The following PRPSAP1 variants were observed in gnomAD, a reference collection of about 807,000 sequenced individuals.
PRPSAP1 encodes phosphoribosyl pyrophosphate synthetase associated protein 1.
A neutral mutation model predicts 39.4 loss-of-function variants in PRPSAP1; 31 were observed. The observed-to-expected ratio is 0.79, with a 90% CI of 0.59 to 1.06. The LOEUF (loss-of-function observed/expected upper bound fraction) is 1.06. Among genes scored for constraint, PRPSAP1 ranks in the 50% least tolerant of loss-of-function variants. PRPSAP1 has a pLI of 0.00. For synonymous variants in PRPSAP1, 212 were observed against 192.6 expected (o/e 1.10, Z -0.83); for missense variants, 430 against 511.6 (o/e 0.84, Z 1.54).
At chr17:76,317,706 GAA>G (rs1429488649) in intron 7 of PRPSAP1, among the ~76,000 whole-genome samples, 2 of 152,174 alleles carry the variant, frequency 1.3e-5, no homozygotes, top group African/African-American at 4.8e-5. Context: ...CTTCACTCGT[GAA>G]ATTAAGAAGC....
chr17:76,336,595 G>T (rs1880583825), intron 3 of PRPSAP1, among the ~76,000 whole-genome samples: 1 of 151,522 alleles, frequency 6.6e-6, no homozygotes. Flanking sequence ...AGCCAGGCAT[G>T]GTGGTGCATG....
In PRPSAP1 at chr17:76,334,626, AAAAAAAC is replaced by A. The variant is rs558466548; in HGVS notation, c.291-2198_291-2192del. On this transcript the variant is annotated intron_variant, in intron 3 of 9. Coordinates refer to ENST00000446526, the MANE Select transcript of PRPSAP1 (RefSeq NM_002766.3). ...AACTATTGCAAGCATTCTATGATTA[AAAAAAAC>A]AAAAACAAAAACAAAAAATGTCTCC... Among the ~76,000 whole-genome samples the A allele has an allele frequency of 2.2e-3, 300 of 135,972 alleles. 2 individuals carry two copies. The highest frequency in any genetic ancestry group is 9.1e-3 in the African/African-American group (295 of 32,420). 89.2% of individuals were successfully genotyped at this position (135,972 alleles called of 152,430 possible).
intron 7 of PRPSAP1, among the ~76,000 whole-genome samples, chr17:76,325,688 TCCATTCTCCTGCCTCCATG>T (rs1182088141): frequency 2.7e-5 from 4 of 147,288 alleles, no homozygotes; most frequent in South Asian, 2.2e-4. Context: ...AAGCTCCACC[TCCATTCTCCTGCCTCCATG>T]CCATTCTCCT....
At position 76,311,282 on chromosome 17, in the gene PRPSAP1, TA is replaced by T. The variant is rs2071067498; in HGVS notation, c.*259del. The T allele has an allele frequency of 3.2e-6, 1 of 312,606 alleles. No individual in the cohort carries two copies. Among genetic ancestry groups the T allele is most frequent in the African/African-American group, 2.2e-5 (1 of 46,054 alleles). 19.4% of individuals were successfully genotyped at this position (312,606 alleles called of 1,614,324 possible). A position where few individuals can be genotyped will look rare whatever the true frequency, so the allele number is the denominator to read the frequency against. Reference sequence around the variant, plus strand: ...TTTAGTATCAATAAGATTTTCAGATTATTTTTAAGAAAGCAGCTAGAACTTT... The same window carrying T: ...TTTAGTATCAATAAGATTTTCAGATTTTTTTAAGAAAGCAGCTAGAACTTT... On this transcript the variant is annotated 3_prime_UTR_variant, in exon 10 of 10. Coordinates refer to ENST00000446526, the MANE Select transcript of PRPSAP1 (RefSeq NM_002766.3).
chr17:76,322,679 A>T (rs2071210732), intron 7 of PRPSAP1, among the ~76,000 whole-genome samples: 1 of 152,116 alleles, frequency 6.6e-6, no homozygotes, highest in African/African-American at 2.4e-5. Flanking sequence ...TGTCTCTACT[A>T]AAAATTTCTA....
chr17:76,345,237 T>TTAAAAA (rs1229631533), intron 2 of PRPSAP1, among the ~76,000 whole-genome samples: 1 of 62,194 alleles, frequency 1.6e-5, no homozygotes, highest in Non-Finnish European at 3.1e-5. Context: ...TCCGTCTCAT[T>TTAAAAA]AAAAAAAAAA....
At chr17:76,332,120 G>C (rs2071328050) in intron 4 of PRPSAP1, 143 bp downstream of exon 4, 3 of 914,520 alleles carry the variant, frequency 3.3e-6, no homozygotes, top group Non-Finnish European at 1.6e-6. Flanking sequence ...TTCTAACCGA[G>C]CTCACATATC....
chr17:76,329,095 A>C, intron 6 of PRPSAP1: 4 of 404,374 alleles, frequency 9.9e-6, no homozygotes, highest in South Asian at 8.0e-5. Flanking sequence ...TTTTTGAGAC[A>C]AGGTCTCACT....
intron 1 of PRPSAP1, among the ~76,000 whole-genome samples, chr17:76,349,578 T>A (rs2071545722): frequency 6.6e-6 from 1 of 151,618 alleles, no homozygotes; most frequent in Non-Finnish European, 1.5e-5. Flanking sequence ...CTAACTAATA[T>A]AATAAAACCC....
chr17:76,338,208 T>C (rs1352856926), intron 3 of PRPSAP1, among the ~76,000 whole-genome samples: 2 of 152,146 alleles, frequency 1.3e-5, no homozygotes, highest in African/African-American at 4.8e-5. Context: ...TCCAAAGCTA[T>C]TCCAAGCAAA....
In PRPSAP1 at chr17:76,311,512, G is replaced by A; in HGVS notation, c.*30C>T. On this transcript the variant is annotated 3_prime_UTR_variant, in exon 10 of 10. Transcript: ENST00000446526. ...CACTGCTTTTTCCATGTTTCCCTCA[G>A]GAGGTCCAGGGTCGAGACCCTCGTG... 2 of 1,599,612 alleles carry A rather than the reference G, an allele frequency of 1.3e-6. No homozygotes were observed. The highest frequency in any genetic ancestry group is 2.2e-5 in the South Asian group (2 of 89,142).
intron 2 of PRPSAP1, among the ~76,000 whole-genome samples, chr17:76,348,132 G>A (rs982838690): frequency 3.3e-5 from 5 of 151,444 alleles, no homozygotes; most frequent in African/African-American, 4.9e-5. Flanking sequence ...GACCAGCCTG[G>A]CCAACATAGT....
intron 7 of PRPSAP1, among the ~76,000 whole-genome samples, chr17:76,325,411 C>CAAAAA (rs761293363): frequency 1.6e-4 from 3 of 18,884 alleles, no homozygotes; most frequent in African/African-American, 6.8e-4. Flanking sequence ...GACTCAGTCT[C>CAAAAA]AAAAAAAAAA....
intron 1 of PRPSAP1, among the ~76,000 whole-genome samples, chr17:76,351,868 C>T (rs950540073): frequency 6.6e-6 from 1 of 152,088 alleles, no homozygotes; most frequent in African/African-American, 2.4e-5. Flanking sequence ...CCCTGCTCCC[C>T]TCTGCTCTCC....
chr17:76,319,548 A>C (rs1353612992), intron 7 of PRPSAP1: 2 of 151,912 alleles, frequency 1.3e-5, no homozygotes, highest in Non-Finnish European at 1.5e-5. Flanking sequence ...GGCTCACTGC[A>C]ACCTCCGCCT....
At chr17:76,351,242 C>T (rs1483057764) in intron 1 of PRPSAP1, among the ~76,000 whole-genome samples, 2 of 151,056 alleles carry the variant, frequency 1.3e-5, no homozygotes, top group African/African-American at 4.9e-5. Flanking sequence ...TGTGGCCGGG[C>T]GCGGTGGCTC....
intron 2 of PRPSAP1, among the ~76,000 whole-genome samples, chr17:76,345,002 G>A (rs981937765): frequency 5.9e-5 from 9 of 151,922 alleles, no homozygotes; most frequent in Non-Finnish European, 1.3e-4. Flanking sequence ...TTGGGAGGCC[G>A]AGGTGGGCAG....
At chr17:76,322,122 C>T (rs971046470) in intron 7 of PRPSAP1, among the ~76,000 whole-genome samples, 1 of 152,108 alleles carries the variant, frequency 6.6e-6, no homozygotes, top group East Asian at 1.9e-4. Context: ...ACAGGCCGGG[C>T]GCAGTAGTTC....
intron 2 of PRPSAP1, among the ~76,000 whole-genome samples, chr17:76,346,617 A>G (rs2071503749): frequency 6.6e-6 from 1 of 152,196 alleles, no homozygotes. Flanking sequence ...TCTTCAGATA[A>G]ACTCTGCCAT....
Sources: gnomAD v4.1 joint callset for allele counts (sites outside exome capture counted in the v4.1 genomes callset) on GRCh38, gnomAD v4.1.1 for gene constraint, MANE v1.5 for transcripts, NCBI Gene and HGNC (gene_info 2026-07-23, HGNC 2026-07-21) for gene names.